The following IL1RAPL1 variants were observed in gnomAD, a reference collection of about 807,000 sequenced individuals.
IL1RAPL1 encodes interleukin-1 receptor accessory protein-like 1.
A neutral mutation model predicts 48.4 loss-of-function variants in IL1RAPL1; 3 were observed. That is an observed-to-expected ratio of 0.06 (90% CI 0.03 to 0.16). IL1RAPL1 has a LOEUF of 0.16. Ranked by LOEUF, IL1RAPL1 falls within the 10% of genes least tolerant of loss-of-function variation. IL1RAPL1 has a pLI of 1.00. For synonymous variants in IL1RAPL1, 185 were observed against 187.7 expected, an observed-to-expected ratio of 0.99 and a Z score of 0.12; for missense variants, 349 against 530.6, an observed-to-expected ratio of 0.66 and a Z score of 3.36.
At position 29,327,278 on chromosome X, in the gene IL1RAPL1, G is replaced by C. The variant is rs1043552510; in HGVS notation, c.362+44061G>C. 4.9e-4 allele frequency among the ~76,000 whole-genome samples: 54 copies of C among 110,520 alleles called. No homozygotes were observed. The Admixed American group carries it at 5.3e-3, about 11-fold the overall frequency. ...AGAAATTCAATTTATATTGTTTGCTGTCAATGAAACATATCACATAACCTC... is the reference window on the plus strand; with the variant it reads ...AGAAATTCAATTTATATTGTTTGCTCTCAATGAAACATATCACATAACCTC... On this transcript the variant is annotated intron_variant, in intron 3 of 10. Coordinates refer to ENST00000378993, the MANE Select transcript of IL1RAPL1 (RefSeq NM_014271.4).
chrX:29,613,295 TA>T (rs1210065179), intron 5 of IL1RAPL1, among the ~76,000 whole-genome samples: 1 of 112,197 alleles, frequency 8.9e-6, no homozygotes, highest in Admixed American at 9.4e-5. Flanking sequence ...TTGTCTTTTT[TA>T]TACTAAGTCT....
At chrX:29,180,810 C>T (rs1314897388) in intron 2 of IL1RAPL1, among the ~76,000 whole-genome samples, 2 of 111,921 alleles carry the variant, frequency 1.8e-5, no homozygotes, top group Admixed American at 9.5e-5. Context: ...TCATACTTTG[C>T]TACATTGCTA....
At chrX:29,638,622 G>A (rs995427816) in intron 5 of IL1RAPL1, among the ~76,000 whole-genome samples, 6 of 111,234 alleles carry the variant, frequency 5.4e-5, no homozygotes, top group African/African-American at 2.0e-4. Context: ...TGCCCAACTT[G>A]CAAATGAATA....
At chrX:29,661,768 C>A (rs1170920942) in intron 5 of IL1RAPL1, among the ~76,000 whole-genome samples, 2 of 111,797 alleles carry the variant, frequency 1.8e-5, no homozygotes, top group African/African-American at 3.3e-5. Flanking sequence ...AGGGATCATG[C>A]CCCTTAACTC....
intron 3 of IL1RAPL1, among the ~76,000 whole-genome samples, chrX:29,368,816 T>C (rs755591835): frequency 2.7e-5 from 3 of 109,631 alleles, no homozygotes; most frequent in Non-Finnish European, 5.7e-5. Flanking sequence ...GATATGCCAC[T>C]CCTCATTTTG....
chrX:28,857,343 TAAACAA>T (rs1921829814), intron 2 of IL1RAPL1, among the ~76,000 whole-genome samples: 1 of 112,204 alleles, frequency 8.9e-6, no homozygotes, highest in East Asian at 2.8e-4. Flanking sequence ...GTGACTACAC[TAAACAA>T]TAGATTTTTG....
At chrX:29,515,467 T>C (rs1935435964) in intron 5 of IL1RAPL1, among the ~76,000 whole-genome samples, 1 of 112,324 alleles carries the variant, frequency 8.9e-6, no homozygotes, top group Non-Finnish European at 1.9e-5. Flanking sequence ...ATTTCTATTA[T>C]TGTGCCAAGT....
chrX:29,799,614 T>G, intron 6 of IL1RAPL1, among the ~76,000 whole-genome samples: 1 of 111,976 alleles, frequency 8.9e-6, no homozygotes, highest in South Asian at 3.7e-4. Context: ...TAATAAAAAG[T>G]CAAGAATATT....
intron 2 of IL1RAPL1, among the ~76,000 whole-genome samples, chrX:28,976,027 G>A (rs1481394461): frequency 9.0e-6 from 1 of 111,558 alleles, no homozygotes; most frequent in Non-Finnish European, 1.9e-5. Context: ...AAGAATGGAG[G>A]AGAAAAAGAA....
Position 29,077,213 on chromosome X carries a change from T to C in IL1RAPL1, c.83-205725T>C, listed in dbSNP as rs775486076. Among the ~76,000 whole-genome samples, 4 of 112,411 alleles carry C rather than the reference T, an allele frequency of 3.6e-5. No homozygotes were observed. The South Asian group carries it at 1.1e-3, about 31-fold the overall frequency. Reference sequence around the variant, plus strand: ...GCAGTTACACAATAAGGTTATTCTATTGGGGAGTACACAGATTTGGCTGGG... The same window carrying C: ...GCAGTTACACAATAAGGTTATTCTACTGGGGAGTACACAGATTTGGCTGGG... On this transcript the variant is annotated intron_variant, in intron 2 of 10. Coordinates refer to ENST00000378993, the MANE Select transcript of IL1RAPL1 (RefSeq NM_014271.4).
At chrX:29,308,589 C>A (rs985602706) in intron 3 of IL1RAPL1, among the ~76,000 whole-genome samples, 2 of 112,109 alleles carry the variant, frequency 1.8e-5, no homozygotes, top group Non-Finnish European at 3.8e-5. Context: ...AGATACCAAA[C>A]CTTTAGGACT....
intron 2 of IL1RAPL1, among the ~76,000 whole-genome samples, chrX:29,040,711 CG>C (rs1926828279): frequency 8.9e-6 from 1 of 112,154 alleles, no homozygotes; most frequent in Non-Finnish European, 1.9e-5. Flanking sequence ...GGTGTGTTCA[CG>C]CTTTATGGTG....
intron 1 of IL1RAPL1, among the ~76,000 whole-genome samples, chrX:28,742,179 A>C (rs760348885): frequency 9.0e-6 from 1 of 111,320 alleles, no homozygotes; most frequent in South Asian, 3.8e-4. Flanking sequence ...GCCTACAACT[A>C]GCCGAAAATG....
chrX:29,579,060 A>G (rs1277244738), intron 5 of IL1RAPL1, among the ~76,000 whole-genome samples: 1 of 111,465 alleles, frequency 9.0e-6, no homozygotes, highest in Non-Finnish European at 1.9e-5. Context: ...CTCATTATAT[A>G]ACTAGTTAAC....
At chrX:28,727,632 T>C (rs1050007024) in intron 1 of IL1RAPL1, among the ~76,000 whole-genome samples, 1 of 104,357 alleles carries the variant, frequency 9.6e-6, no homozygotes, top group Non-Finnish European at 1.9e-5. Context: ...AGGGAATGCT[T>C]CCAGTTTTTG....
intron 2 of IL1RAPL1, among the ~76,000 whole-genome samples, chrX:29,273,202 A>G (rs755260605): frequency 8.9e-6 from 1 of 112,224 alleles, no homozygotes; most frequent in Admixed American, 9.4e-5. Flanking sequence ...GAGGTAAGAA[A>G]ACAGTCTGGC....
intron 5 of IL1RAPL1, among the ~76,000 whole-genome samples, chrX:29,432,388 C>T (rs1934432351): frequency 9.0e-6 from 1 of 111,521 alleles, no homozygotes; most frequent in Non-Finnish European, 1.9e-5. Context: ...CCCTACCTCT[C>T]AGGCTCTTTG....
chrX:28,953,169 C>T (rs922825897), intron 2 of IL1RAPL1, among the ~76,000 whole-genome samples: 1 of 111,097 alleles, frequency 9.0e-6, no homozygotes, highest in Non-Finnish European at 1.9e-5. Flanking sequence ...TTTCTTGTTA[C>T]GAATAATACA....
rs141464570 is a variant in IL1RAPL1 at position 28,999,704 on chromosome X, C to A, written c.82+210279C>A. 7.2e-3 allele frequency among the ~76,000 whole-genome samples: 801 copies of A among 111,831 alleles called. 4 individuals are homozygous for A. The highest frequency in any genetic ancestry group is 0.01 in the Non-Finnish European group (557 of 53,091). On this transcript the variant is annotated intron_variant, in intron 2 of 10. Coordinates refer to ENST00000378993, the MANE Select transcript of IL1RAPL1 (RefSeq NM_014271.4). Reference sequence around the variant, plus strand: ...TATAATCCTTTTCAGACCAGCTTCACCTGGTAAGGTCCATTCTGATAAACT... The same window carrying A: ...TATAATCCTTTTCAGACCAGCTTCAACTGGTAAGGTCCATTCTGATAAACT...
Sources: gnomAD v4.1 joint callset for allele counts (sites outside exome capture counted in the v4.1 genomes callset) on GRCh38, gnomAD v4.1.1 for gene constraint, MANE v1.5 for transcripts, NCBI Gene and HGNC (gene_info 2026-07-23, HGNC 2026-07-21) for gene names.